Variants in DLGAP2 observed in about 807,000 individuals in gnomAD.
The protein encoded by DLGAP2 is disks large-associated protein 2.
Under a neutral mutation model 100.3 loss-of-function variants are expected in DLGAP2, and 26 were observed. The observed-to-expected ratio is 0.26, with a 90% confidence interval of 0.19 to 0.36. The LOEUF (loss-of-function observed/expected upper bound fraction) is 0.36, where lower values mean the gene tolerates loss of function less well. Ranked by LOEUF, DLGAP2 falls within the 10% of genes least tolerant of loss-of-function variation. The pLI is 1.00. For missense variants in DLGAP2, 1,858 were observed against 1,453.2 expected (o/e 1.28, Z -4.53); for synonymous variants, 886 against 630.1 (o/e 1.41, Z -6.08).
chr8:1,681,873 G>A (rs73672927), intron 12 of DLGAP2, among the ~76,000 whole-genome samples: 12,823 of 149,844 alleles, frequency 0.086, 1,323 homozygotes, highest in African/African-American at 0.26. Flanking sequence ...GCCCTCTGAC[G>A]TTGAAGGCTC....
chr8:1,501,486 C>T lies in DLGAP2; in HGVS notation c.172+55C>T, dbSNP rs1799721699. The T allele has an allele frequency of 9.4e-6, 14 of 1,486,270 alleles. No individual in the cohort carries two copies. The East Asian group carries it at 3.2e-4, about 34-fold the overall frequency. The allele number at this position is 1,486,270 out of a possible 1,614,324, so 92.1% of individuals were successfully genotyped here. ...CGGGGCCCGGACAGAACCGGGCATGCTCCGGGCACCTCCCATCATGCGGAC... is the reference window on the plus strand; with the variant it reads ...CGGGGCCCGGACAGAACCGGGCATGTTCCGGGCACCTCCCATCATGCGGAC... On this transcript the variant is annotated intron_variant, in intron 4 of 14. Coordinates refer to ENST00000637795, the MANE Select transcript of DLGAP2 (RefSeq NM_001346810.2).
rs137904519 is a variant in DLGAP2 at position 893,933 on chromosome 8, T to C, written c.19-13979T>C. 6.9e-3 allele frequency among the ~76,000 whole-genome samples: 1,047 copies of C among 152,324 alleles called. 11 individuals are homozygous for C. Among genetic ancestry groups the C allele is most frequent in the Admixed American group, 0.011 (172 of 15,310 alleles). On this transcript the variant is annotated intron_variant, in intron 1 of 14. Transcript: ENST00000637795. The stretch of plus-strand genomic sequence containing the variant: ...GGTTACTGTTGAAGCATTGGGAGGT[T>C]CGGCGTCTCCGAGTAGCTCAGCCTT...
chr8:1,671,345 G>C (rs899844929), intron 10 of DLGAP2, among the ~76,000 whole-genome samples: 1 of 152,240 alleles, frequency 6.6e-6, no homozygotes, highest in Non-Finnish European at 1.5e-5. Flanking sequence ...AGCATTCAAT[G>C]GGACTGGCTT....
chr8:1,555,489 C>G (rs1219666190), intron 5 of DLGAP2, among the ~76,000 whole-genome samples: 1 of 152,214 alleles, frequency 6.6e-6, no homozygotes, highest in African/African-American at 2.4e-5. Flanking sequence ...CCGGCCCCGA[C>G]TGCCACAGAA....
intron 2 of DLGAP2, among the ~76,000 whole-genome samples, chr8:1,143,602 G>C (rs1796557925): frequency 6.6e-6 from 1 of 152,194 alleles, no homozygotes; most frequent in African/African-American, 2.4e-5. Context: ...GCCTGGGAGG[G>C]AAGTGCAGTT....
chr8:1,166,771 A>G (rs961846595), intron 2 of DLGAP2, among the ~76,000 whole-genome samples: 2 of 152,200 alleles, frequency 1.3e-5, no homozygotes, highest in African/African-American at 2.4e-5. Flanking sequence ...GTCAATTAAA[A>G]TAAAATTTAC....
rs532549326 is a variant in DLGAP2 at position 995,479 on chromosome 8, C to T, written c.73+87513C>T. 6.6e-5 allele frequency among the ~76,000 whole-genome samples: 10 copies of T among 152,272 alleles called. No homozygotes were observed. In the South Asian group the frequency reaches 8.3e-4, roughly 13 times the overall value. On this transcript the variant is annotated intron_variant, in intron 2 of 14. Transcript: ENST00000637795. The stretch of plus-strand genomic sequence containing the variant: ...AGTCTCATTATGATTTAATAGTTTT[C>T]GTCTTATAGTTTGCATTGCTGGATT...
At chr8:1,492,587 G>C (rs12544819) in intron 3 of DLGAP2, among the ~76,000 whole-genome samples, 37,983 of 152,190 alleles carry the variant, frequency 0.25, 5,994 homozygotes, top group South Asian at 0.4. Context: ...CGCCTGCGCG[G>C]TGACTCCAAG....
intron 2 of DLGAP2, among the ~76,000 whole-genome samples, chr8:1,160,509 A>C (rs1045539174): frequency 6.6e-6 from 1 of 152,144 alleles, no homozygotes; most frequent in Non-Finnish European, 1.5e-5. Context: ...TCGACTGCAG[A>C]CTGAGAAGGA....
chr8:1,280,384 G>T (rs552540433), intron 3 of DLGAP2, among the ~76,000 whole-genome samples: 1 of 152,080 alleles, frequency 6.6e-6, no homozygotes, highest in Non-Finnish European at 1.5e-5. Context: ...ACCTACCTGC[G>T]TCATAATACT....
At chr8:1,068,500 C>T (rs1032606447) in intron 2 of DLGAP2, among the ~76,000 whole-genome samples, 5 of 152,122 alleles carry the variant, frequency 3.3e-5, no homozygotes, top group African/African-American at 9.7e-5. Flanking sequence ...CAGTGGTGTG[C>T]AGGGAGGTCT....
At chr8:966,151 A>G (rs906005870) in intron 2 of DLGAP2, among the ~76,000 whole-genome samples, 1 of 152,210 alleles carries the variant, frequency 6.6e-6, no homozygotes, top group Non-Finnish European at 1.5e-5. Flanking sequence ...TTGCACAGTA[A>G]ACGCAGCTGT....
At chr8:1,201,790 A>C (rs1377217394) in intron 2 of DLGAP2, among the ~76,000 whole-genome samples, 3 of 152,192 alleles carry the variant, frequency 2.0e-5, no homozygotes, top group South Asian at 4.1e-4. Context: ...CCGCAGACAC[A>C]CAGCGGTGCC....
chr8:1,437,885 C>T (rs530508879), intron 3 of DLGAP2, among the ~76,000 whole-genome samples: 1 of 150,526 alleles, frequency 6.6e-6, no homozygotes, highest in Admixed American at 6.6e-5. Flanking sequence ...ACTCGGGAGG[C>T]TGAGACAGGA....
chr8:1,613,713 G>A (rs1223559412), intron 6 of DLGAP2, among the ~76,000 whole-genome samples: 1 of 152,162 alleles, frequency 6.6e-6, no homozygotes, highest in Non-Finnish European at 1.5e-5. Context: ...TAGTTTAACA[G>A]CAGCAGTAAA....
rs1585068854 is a variant in DLGAP2 at position 1,691,660 on chromosome 8, T to C, written c.2796+34T>C. ...ATCCTCAGTGAACCCCTGTTCCCTG[T>C]AACCAAGCTAATGGGCATCATTCCA... On this transcript the variant is annotated intron_variant, in intron 13 of 14. Coordinates refer to ENST00000637795, the MANE Select transcript of DLGAP2 (RefSeq NM_001346810.2). The C allele has an allele frequency of 3.9e-6, 6 of 1,522,870 alleles. No individual in the cohort carries two copies. The East Asian group carries it at 1.1e-4, about 29-fold the overall frequency. 94.3% of individuals were successfully genotyped at this position (1,522,870 alleles called of 1,614,324 possible). A position where few individuals can be genotyped will look rare whatever the true frequency, so the allele number is the denominator to read the frequency against.
intron 2 of DLGAP2, among the ~76,000 whole-genome samples, chr8:1,191,889 G>C (rs60938275): frequency 0.089 from 13,508 of 152,170 alleles, 1,656 homozygotes; most frequent in African/African-American, 0.28. Context: ...TCTTGGTGCA[G>C]TTGGCCCCTC....
At chr8:1,456,747 G>GCAGGCTGTGC (rs1339084451) in intron 3 of DLGAP2, among the ~76,000 whole-genome samples, 3 of 150,336 alleles carry the variant, frequency 2.0e-5, no homozygotes, top group Admixed American at 6.6e-5. Context: ...TTGGACGTCA[G>GCAGGCTGTGC]CAGGCTGTGC....
At chr8:1,660,530 A>G (rs1798385208) in intron 8 of DLGAP2, among the ~76,000 whole-genome samples, 1 of 152,226 alleles carries the variant, frequency 6.6e-6, no homozygotes, top group Non-Finnish European at 1.5e-5. Context: ...ACTCACATGT[A>G]AAAATGCGTC....
Sources: allele counts gnomAD v4.1 joint callset (sites outside exome capture counted in the v4.1 genomes callset), GRCh38; gene constraint gnomAD v4.1.1; transcripts MANE v1.5; gene names NCBI Gene and HGNC (gene_info 2026-07-23, HGNC 2026-07-21).